The following TADA2A variants were observed in gnomAD, a reference collection of about 807,000 sequenced individuals.
TADA2A encodes transcriptional adaptor 2A.
A neutral mutation model predicts 67.4 loss-of-function variants in TADA2A; 38 were observed. That is an observed-to-expected ratio of 0.56 (90% CI 0.44 to 0.74). TADA2A has a LOEUF of 0.74. Ranked by LOEUF, TADA2A falls within the 30% of genes least tolerant of loss-of-function variation. TADA2A has a pLI of 0.00. For synonymous variants in TADA2A, 192 were observed against 181.6 expected (o/e 1.06, Z -0.46); for missense variants, 454 against 547.0 (o/e 0.83, Z 1.70).
At chr17:37,469,240 AAC>A (rs2053733307) in intron 12 of TADA2A, among the ~76,000 whole-genome samples, 1 of 151,974 alleles carries the variant, frequency 6.6e-6, no homozygotes, top group South Asian at 2.1e-4. Context: ...CTGTGGGTGC[AAC>A]ATAGCCTTAT....
chr17:37,444,231 C>G (rs1032616497), intron 7 of TADA2A, among the ~76,000 whole-genome samples: 2 of 146,744 alleles, frequency 1.4e-5, no homozygotes, highest in African/African-American at 5.1e-5. Context: ...TGCACTCCAG[C>G]CTGAGTGACA....
In TADA2A at chr17:37,477,125, G is replaced by A; in HGVS notation, c.*143G>A. 2.4e-6 allele frequency: 2 copies of A among 824,698 alleles called. 1 individual carries two copies. Among genetic ancestry groups the A allele is most frequent in the East Asian group, 5.2e-5 (2 of 38,514 alleles). The allele number at this position is 824,698 out of a possible 1,614,324, so 51.1% of individuals were successfully genotyped here. Reference sequence around the variant, plus strand: ...GAAAGGACAAAGGAAACCTTAAGTTGTATTGTCTACTTTCTTCTCCATCCT... The same window carrying A: ...GAAAGGACAAAGGAAACCTTAAGTTATATTGTCTACTTTCTTCTCCATCCT... On this transcript the variant is annotated 3_prime_UTR_variant, in exon 16 of 16. Coordinates refer to ENST00000615182, the MANE Select transcript of TADA2A (RefSeq NM_001166105.3).
intron 8 of TADA2A, among the ~76,000 whole-genome samples, chr17:37,448,920 A>G (rs1226024078): frequency 6.6e-6 from 1 of 152,098 alleles, no homozygotes; most frequent in Non-Finnish European, 1.5e-5. Flanking sequence ...ACATATTATT[A>G]GCCTTTAAAT....
At chr17:37,439,854 A>G (rs2052844523) in intron 5 of TADA2A, among the ~76,000 whole-genome samples, 1 of 151,592 alleles carries the variant, frequency 6.6e-6, no homozygotes, top group African/African-American at 2.4e-5. Context: ...ATTTACAGCA[A>G]TTATTTCTGT....
chr17:37,474,690 A>G (rs1372439108), intron 15 of TADA2A, 61 bp downstream of exon 15: 1 of 1,534,752 alleles, frequency 6.5e-7, no homozygotes, highest in Non-Finnish European at 8.9e-7. Context: ...TTGAGTTGTC[A>G]TTAAAAATCC....
At chr17:37,453,959 G>C (rs1014775568) in intron 8 of TADA2A, among the ~76,000 whole-genome samples, 2 of 151,892 alleles carry the variant, frequency 1.3e-5, no homozygotes, top group African/African-American at 4.8e-5. Flanking sequence ...TTTTAGTAGA[G>C]ACAGGGTTTC....
chr17:37,439,568 C>T (rs1430314149), intron 5 of TADA2A, among the ~76,000 whole-genome samples: 2 of 152,094 alleles, frequency 1.3e-5, no homozygotes, highest in Non-Finnish European at 2.9e-5. Context: ...CAGATGTGCC[C>T]CACCATGCCT....
intron 4 of TADA2A, among the ~76,000 whole-genome samples, chr17:37,436,177 C>T (rs1386361805): frequency 6.6e-6 from 1 of 151,932 alleles, no homozygotes; most frequent in African/African-American, 2.4e-5. Flanking sequence ...ACTGTCAATA[C>T]TAAAGAAACA....
intron 15 of TADA2A, 108 bp from the exon 16 acceptor site, chr17:37,476,689 A>G: frequency 9.0e-7 from 1 of 1,109,736 alleles, no homozygotes; most frequent in East Asian, 2.4e-5. Flanking sequence ...CAGCTCCTAT[A>G]AATAGTTGGA....
At chr17:37,447,795 G>T (rs2053125142) in intron 8 of TADA2A, among the ~76,000 whole-genome samples, 1 of 152,164 alleles carries the variant, frequency 6.6e-6, no homozygotes, top group African/African-American at 2.4e-5. Context: ...AGAACACTCA[G>T]TGAAGTGCAC....
At chr17:37,434,496 T>C (rs1369826923) in intron 4 of TADA2A, among the ~76,000 whole-genome samples, 1 of 152,202 alleles carries the variant, frequency 6.6e-6, no homozygotes, top group Non-Finnish European at 1.5e-5. Flanking sequence ...GCTGGATTGT[T>C]TGTCTTACAG....
chr17:37,463,908 G>A (rs905165518), intron 10 of TADA2A, among the ~76,000 whole-genome samples: 3 of 151,796 alleles, frequency 2.0e-5, no homozygotes, highest in Admixed American at 6.6e-5. Flanking sequence ...AGCCAAGATC[G>A]TGCTACTGCT....
At chr17:37,412,328 T>C (rs2051904184) in intron 2 of TADA2A, among the ~76,000 whole-genome samples, 1 of 152,128 alleles carries the variant, frequency 6.6e-6, no homozygotes, top group South Asian at 2.1e-4. Context: ...AATAACATGT[T>C]TCAGGCACCT....
Position 37,421,817 on chromosome 17 carries a change from T to C in TADA2A, c.26-1692T>C, listed in dbSNP as rs776960147. Among the ~76,000 whole-genome samples the C allele has an allele frequency of 4.4e-4, 16 of 36,604 alleles. 2 individuals are homozygous for C. Among genetic ancestry groups the C allele is most frequent in the African/African-American group, 7.3e-4 (3 of 4,132 alleles). 24.0% of individuals were successfully genotyped at this position (36,604 alleles called of 152,430 possible). Reference sequence around the variant, plus strand: ...AAAAAAAAAAGGAGTTTTCTCTTATTTGCCCCAACTTTTTATAGAAAAGTC... The same window carrying C: ...AAAAAAAAAAGGAGTTTTCTCTTATCTGCCCCAACTTTTTATAGAAAAGTC... On this transcript the variant is annotated intron_variant, in intron 2 of 15. Transcript: ENST00000615182.
intron 2 of TADA2A, among the ~76,000 whole-genome samples, chr17:37,422,075 A>T (rs140227147): frequency 0.72 from 100,215 of 139,634 alleles, 40,071 homozygotes; most frequent in East Asian, 0.96. Context: ...AGACAGAGTA[A>T]GACTCTGTCG....
intron 4 of TADA2A, among the ~76,000 whole-genome samples, chr17:37,432,578 G>GT: frequency 6.6e-6 from 1 of 152,322 alleles, no homozygotes; most frequent in Admixed American, 6.5e-5. Context: ...ACATAATACA[G>GT]TTTTTTATCC....
chr17:37,430,979 A>G (rs916731859), intron 4 of TADA2A, among the ~76,000 whole-genome samples: 18 of 152,198 alleles, frequency 1.2e-4, no homozygotes, highest in African/African-American at 4.3e-4. Context: ...CTCATGTGCT[A>G]GATATATTCG....
intron 3 of TADA2A, chr17:37,426,385 G>A (rs1163587553): frequency 2.0e-5 from 3 of 152,052 alleles, no homozygotes; most frequent in Non-Finnish European, 1.5e-5. Context: ...TTAAAAAATT[G>A]TTGTCCGGGC....
At chr17:37,471,263 G>A (rs1180455173) in intron 14 of TADA2A, 126 bp downstream of exon 14, 13 of 915,596 alleles carry the variant, frequency 1.4e-5, no homozygotes, top group Admixed American at 2.1e-5. Context: ...GTAATCAAGT[G>A]TTAGCCCAAT....
Sources: allele counts gnomAD v4.1 joint callset (sites outside exome capture counted in the v4.1 genomes callset), GRCh38; gene constraint gnomAD v4.1.1; transcripts MANE v1.5; gene names NCBI Gene and HGNC (gene_info 2026-07-23, HGNC 2026-07-21).